Variants in TSC22D3 observed in about 807,000 individuals in gnomAD.
TSC22D3 encodes the protein TSC22 domain family member 3.
A neutral mutation model predicts 11.1 loss-of-function variants in TSC22D3; 4 were observed. The ratio of observed to expected loss-of-function variants is 0.36; its 90% CI spans 0.18 to 0.83. The LOEUF (loss-of-function observed/expected upper bound fraction) is 0.83. TSC22D3 is among the 40% of genes least tolerant of loss of function. The pLI is 0.48. For missense variants in TSC22D3, 118 were observed against 159.4 expected (o/e 0.74, Z 1.40); for synonymous variants, 77 against 70.3 (o/e 1.10, Z -0.48).
chrX:107,768,663 A>C (rs1190563084), intron 1 of TSC22D3, among the ~76,000 whole-genome samples: 1 of 112,245 alleles, frequency 8.9e-6, no homozygotes. Context: ...CTCCAGCCCC[A>C]TCTCTCTACC....
At chrX:107,746,098 C>T (rs1928639092) in intron 1 of TSC22D3, among the ~76,000 whole-genome samples, 1 of 112,074 alleles carries the variant, frequency 8.9e-6, no homozygotes, top group South Asian at 3.7e-4. Context: ...GCAGACATTT[C>T]ATTGGCTTGG....
chrX:107,717,794 G>A (rs1490892358), intron 1 of TSC22D3, among the ~76,000 whole-genome samples: 1 of 112,216 alleles, frequency 8.9e-6, no homozygotes, highest in Non-Finnish European at 1.9e-5. Context: ...GGGTGACAGA[G>A]GAGGTGAGGA....
chrX:107,774,133 G>A (rs2147798868), intron 1 of TSC22D3, among the ~76,000 whole-genome samples: 1 of 111,593 alleles, frequency 9.0e-6, no homozygotes, highest in East Asian at 2.8e-4. Context: ...ATAAATCCTC[G>A]CTTATACACT....
intron 1 of TSC22D3, among the ~76,000 whole-genome samples, chrX:107,761,644 C>T (rs1929440831): frequency 8.9e-6 from 1 of 112,075 alleles, no homozygotes; most frequent in African/African-American, 3.2e-5. Flanking sequence ...AAGTGATGAG[C>T]TCTTCACAGT....
At chrX:107,756,548 C>T (rs1453384697) in intron 1 of TSC22D3, among the ~76,000 whole-genome samples, 1 of 112,558 alleles carries the variant, frequency 8.9e-6, no homozygotes, top group East Asian at 2.8e-4. Context: ...TTATTTCCTT[C>T]TCCAATGTAA....
chrX:107,757,953 G>C (rs1172030760), intron 1 of TSC22D3, among the ~76,000 whole-genome samples: 1 of 111,389 alleles, frequency 9.0e-6, no homozygotes, highest in Non-Finnish European at 1.9e-5. Context: ...TTGAGCCCGG[G>C]AGGTGGAGGC....
intron 1 of TSC22D3, among the ~76,000 whole-genome samples, chrX:107,757,508 G>A (rs1929229997): frequency 8.9e-6 from 1 of 112,285 alleles, no homozygotes; most frequent in Non-Finnish European, 1.9e-5. Flanking sequence ...GCCAGGTGAT[G>A]AACAAAACAC....
intron 2 of TSC22D3, 105 bp from the exon 3 acceptor site, chrX:107,714,854 GC>G: frequency 2.6e-6 from 2 of 762,109 alleles, no homozygotes; most frequent in Non-Finnish European, 3.9e-6. Context: ...TAATGCCAGG[GC>G]CCTCCAGCCT....
intron 1 of TSC22D3, among the ~76,000 whole-genome samples, chrX:107,772,747 A>G: frequency 9.0e-6 from 1 of 111,274 alleles, no homozygotes; most frequent in East Asian, 2.8e-4. Context: ...GCTACTTGGG[A>G]GGCTGAAGTG....
At chrX:107,716,867 C>CGGCTGGGT (rs1352427060) in intron 1 of TSC22D3, 1 of 1,193,064 alleles carries the variant, frequency 8.4e-7, no homozygotes, top group Non-Finnish European at 1.1e-6. Flanking sequence ...GGCGGCTGGG[C>CGGCTGGGT]GGCTGGGTGG....
intron 1 of TSC22D3, among the ~76,000 whole-genome samples, chrX:107,741,597 T>C (rs141790337): frequency 4.1e-4 from 46 of 112,917 alleles, no homozygotes; most frequent in African/African-American, 1.4e-3. Flanking sequence ...GGAGAAACTA[T>C]TGGACTGTAT....
chrX:107,716,371 C>A, intron 1 of TSC22D3: 9 of 923,743 alleles, frequency 9.7e-6, no homozygotes, highest in Non-Finnish European at 1.2e-5. Context: ...CGGCCTTCTC[C>A]CAAGCGGCGC....
chrX:107,775,295 C>A lies in TSC22D3; in HGVS notation c.125G>T (p.Ser42Ile). The A allele has an allele frequency of 1.6e-6, 2 of 1,212,147 alleles. No individual in the cohort carries two copies. The highest frequency in any genetic ancestry group is 2.2e-6 in the Non-Finnish European group (2 of 895,574). ...CTGCCGAAAGTTGCTCACTGTAGGG[C>A]TGCCCGGGTTGTTGTTCTCCCCGCT... ...GSSGENNNPG[S>I]PTVSNFRQLQ... Residue 42 changes from serine (S) to isoleucine (I), a missense_variant, in exon 1 of 3, where the codon AGC (serine) becomes ATC (isoleucine). Ser to Ile is a moderately radical substitution (Grantham distance 142, BLOSUM62 -2). Coordinates refer to ENST00000372383, the MANE Select transcript of TSC22D3 (RefSeq NM_198057.3).
intron 1 of TSC22D3, among the ~76,000 whole-genome samples, chrX:107,766,710 G>A (rs62604139): frequency 1.8e-5 from 2 of 111,071 alleles, no homozygotes; most frequent in Admixed American, 9.6e-5. Flanking sequence ...GTGTGGGACC[G>A]GGTCAGGCTT....
At position 107,714,371 on chromosome X, in the gene TSC22D3, TG is replaced by T; in HGVS notation, c.*147del. 1 of 495,972 alleles carries T rather than the reference TG, an allele frequency of 2.0e-6. No homozygotes were observed. The highest frequency in any genetic ancestry group is 3.3e-6 in the Non-Finnish European group (1 of 303,602). The allele number at this position is 495,972 out of a possible 1,213,427, so 40.9% of individuals were successfully genotyped here. ...GGTCTGTCGCTGGAGTGGACCCAGGTGGCCATGTCCTTAGGACATCTCTTGG... is the reference window on the plus strand; with the variant it reads ...GGTCTGTCGCTGGAGTGGACCCAGGTGCCATGTCCTTAGGACATCTCTTGG... On this transcript the variant is annotated 3_prime_UTR_variant, in exon 3 of 3. Transcript: ENST00000372383.
At chrX:107,757,128 G>T (rs892518556) in intron 1 of TSC22D3, among the ~76,000 whole-genome samples, 57 of 112,898 alleles carry the variant, frequency 5.0e-4, no homozygotes, top group African/African-American at 1.8e-3. Flanking sequence ...ACCAACAAGG[G>T]AAGTGGCTTG....
intron 1 of TSC22D3, among the ~76,000 whole-genome samples, chrX:107,733,855 C>T: frequency 9.0e-6 from 1 of 111,636 alleles, no homozygotes; most frequent in Non-Finnish European, 1.9e-5. Context: ...GCTTTGGGGC[C>T]CCTGAAATCT....
At chrX:107,752,604 T>G (rs1452415962) in intron 1 of TSC22D3, among the ~76,000 whole-genome samples, 1 of 112,109 alleles carries the variant, frequency 8.9e-6, no homozygotes, top group Admixed American at 9.4e-5. Flanking sequence ...GTGGACTTTC[T>G]CGTAGCCTGT....
intron 1 of TSC22D3, among the ~76,000 whole-genome samples, chrX:107,749,565 A>G (rs1009419997): frequency 9.0e-6 from 1 of 111,180 alleles, no homozygotes; most frequent in African/African-American, 3.3e-5. Flanking sequence ...CACTGGGATT[A>G]CAGGCATGAG....
Sources: allele counts gnomAD v4.1 joint callset (sites outside exome capture counted in the v4.1 genomes callset), GRCh38; gene constraint gnomAD v4.1.1; transcripts MANE v1.5; gene names NCBI Gene and HGNC (gene_info 2026-07-23, HGNC 2026-07-21).